TMEM132D: variants seen among roughly 807,000 people sequenced by gnomAD.
The protein encoded by TMEM132D is transmembrane protein 132D, also known as mature OL transmembrane protein.
TMEM132D carries 21 observed loss-of-function variants against 62.3 expected under a neutral mutation model. The ratio of observed to expected loss-of-function variants is 0.34; its 90% CI spans 0.24 to 0.49. The LOEUF is 0.49. Ranked by LOEUF, TMEM132D falls within the 20% of genes least tolerant of loss-of-function variation. The pLI, the probability that TMEM132D is intolerant of heterozygous loss-of-function variation, is 0.99. For synonymous variants in TMEM132D, 621 were observed against 575.6 expected (o/e 1.08, Z -1.13); for missense variants, 1,346 against 1,402.8 (o/e 0.96, Z 0.65).
intron 5 of TMEM132D, among the ~76,000 whole-genome samples, chr12:129,168,952 C>T (rs763186016): frequency 5.9e-5 from 9 of 152,140 alleles, no homozygotes; most frequent in East Asian, 1.9e-4. Flanking sequence ...AGCTAGCGGC[C>T]GATAGAGGGA....
chr12:129,125,093 A>T (rs1428676823), intron 5 of TMEM132D, among the ~76,000 whole-genome samples: 1 of 152,204 alleles, frequency 6.6e-6, no homozygotes, highest in African/African-American at 2.4e-5. Flanking sequence ...TTGATGTTTC[A>T]TGCTCTTCTG....
At chr12:129,627,542 G>A (rs936424023) in intron 2 of TMEM132D, among the ~76,000 whole-genome samples, 4 of 152,050 alleles carry the variant, frequency 2.6e-5, no homozygotes, top group African/African-American at 9.7e-5. Context: ...CCATAAAGCT[G>A]CTGAACACCA....
intron 1 of TMEM132D, among the ~76,000 whole-genome samples, chr12:129,743,885 G>C (rs1260793881): frequency 6.6e-6 from 1 of 152,198 alleles, no homozygotes; most frequent in African/African-American, 2.4e-5. Flanking sequence ...TTTTCCCCTT[G>C]AGCTTCCAGA....
intron 1 of TMEM132D, among the ~76,000 whole-genome samples, chr12:129,790,567 TCTC>T (rs1359510235): frequency 1.1e-4 from 17 of 152,250 alleles, no homozygotes; most frequent in Admixed American, 1.1e-3. Flanking sequence ...TCCAGCTGCT[TCTC>T]CTCTTCTCCT....
At chr12:129,661,630 C>T (rs1489626593) in intron 2 of TMEM132D, among the ~76,000 whole-genome samples, 3 of 152,228 alleles carry the variant, frequency 2.0e-5, no homozygotes, top group Non-Finnish European at 4.4e-5. Context: ...CGCAGCTACA[C>T]TTGTCCTTAA....
chr12:129,257,257 A>G (rs1265219848), intron 4 of TMEM132D, among the ~76,000 whole-genome samples: 2 of 147,740 alleles, frequency 1.4e-5, no homozygotes, highest in Admixed American at 1.4e-4. Flanking sequence ...CCCAGGCAGG[A>G]ATGCAGTGGC....
chr12:129,859,894 C>T (rs1873837623), intron 1 of TMEM132D, among the ~76,000 whole-genome samples: 4 of 152,168 alleles, frequency 2.6e-5, no homozygotes, highest in African/African-American at 9.7e-5. Context: ...TGCTCCTCAG[C>T]TTGCAGACAG....
chr12:129,370,093 C>G (rs948633904), intron 3 of TMEM132D, among the ~76,000 whole-genome samples: 3 of 152,156 alleles, frequency 2.0e-5, no homozygotes, highest in Non-Finnish European at 4.4e-5. Flanking sequence ...TGTTTTTTCT[C>G]CAGGAGAAAG....
chr12:129,498,985 A>C (rs1270530541), intron 3 of TMEM132D, among the ~76,000 whole-genome samples: 1 of 152,148 alleles, frequency 6.6e-6, no homozygotes, highest in Non-Finnish European at 1.5e-5. Flanking sequence ...TCTACCTTGG[A>C]ATAATATGCC....
At chr12:129,687,528 G>A (rs1880962041) in intron 2 of TMEM132D, among the ~76,000 whole-genome samples, 1 of 152,070 alleles carries the variant, frequency 6.6e-6, no homozygotes, top group Non-Finnish European at 1.5e-5. Flanking sequence ...GTTACTGGAA[G>A]AGTTAGGTTG....
intron 3 of TMEM132D, among the ~76,000 whole-genome samples, chr12:129,353,766 C>A (rs1315990333): frequency 6.6e-6 from 1 of 152,108 alleles, no homozygotes; most frequent in African/African-American, 2.4e-5. Context: ...CTTCCCTGAC[C>A]TGCTTGCCAT....
At chr12:129,662,791 CAAAAAAA>C (rs34743737) in intron 2 of TMEM132D, among the ~76,000 whole-genome samples, 1 of 69,404 alleles carries the variant, frequency 1.4e-5, no homozygotes, top group Non-Finnish European at 2.6e-5. Context: ...GATTCCATCT[CAAAAAAA>C]AAAAAAAAAA....
chr12:129,772,189 G>A (rs183193598), intron 1 of TMEM132D, among the ~76,000 whole-genome samples: 68 of 152,120 alleles, frequency 4.5e-4, no homozygotes, highest in African/African-American at 1.3e-3. Context: ...ACAGGTGCAC[G>A]CCATTCCAAA....
chr12:129,668,999 C>T (rs1274968621), intron 2 of TMEM132D, among the ~76,000 whole-genome samples: 1 of 152,162 alleles, frequency 6.6e-6, no homozygotes, highest in African/African-American at 2.4e-5. Context: ...CATTATCTTA[C>T]GTCCTCAAGA....
chr12:129,580,877 T>G (rs973666921), intron 2 of TMEM132D, among the ~76,000 whole-genome samples: 1 of 152,160 alleles, frequency 6.6e-6, no homozygotes, highest in Non-Finnish European at 1.5e-5. Flanking sequence ...TACCTCCAAA[T>G]TGACATCAGA....
chr12:129,879,115 C>T (rs113208972), intron 1 of TMEM132D, among the ~76,000 whole-genome samples: 41 of 152,288 alleles, frequency 2.7e-4, no homozygotes, highest in African/African-American at 9.6e-4. Flanking sequence ...CCTTGTTAGG[C>T]CCCAAGTGAT....
intron 3 of TMEM132D, among the ~76,000 whole-genome samples, chr12:129,477,103 T>C (rs1874285902): frequency 6.6e-6 from 1 of 152,224 alleles, no homozygotes; most frequent in Non-Finnish European, 1.5e-5. Flanking sequence ...TTCATTTGAT[T>C]TTATTTTTAA....
intron 5 of TMEM132D, among the ~76,000 whole-genome samples, chr12:129,118,615 C>A (rs1162083538): frequency 2.0e-5 from 3 of 152,210 alleles, no homozygotes; most frequent in Non-Finnish European, 4.4e-5. Flanking sequence ...AACAATGCTA[C>A]TTCCAATTAA....
At chr12:129,747,153 G>T (rs978247522) in intron 1 of TMEM132D, among the ~76,000 whole-genome samples, 1 of 8,934 alleles carries the variant, frequency 1.1e-4, no homozygotes, top group Non-Finnish European at 3.3e-4. Flanking sequence ...GAGCCCATCC[G>T]GTTCCCGTCG....
Sources: allele counts gnomAD v4.1 joint callset (sites outside exome capture counted in the v4.1 genomes callset), GRCh38; gene constraint gnomAD v4.1.1; transcripts MANE v1.5; gene names NCBI Gene and HGNC (gene_info 2026-07-23, HGNC 2026-07-21).